Variants in ST6GALNAC3 observed in about 807,000 individuals in gnomAD.
ST6GALNAC3 encodes ST6 N-acetylgalactosaminide alpha-2,6-sialyltransferase 3, also known as alpha-N-acetylgalactosaminide alpha-2,6-sialyltransferase 3.
In ST6GALNAC3, 25 loss-of-function variants were observed where a neutral mutation model predicts 32.7. That is an observed-to-expected ratio of 0.76 (90% CI 0.56 to 1.07). The LOEUF is 1.07. Ranked by LOEUF, ST6GALNAC3 falls within the 50% of genes least tolerant of loss-of-function variation. The pLI, the probability that ST6GALNAC3 is intolerant of heterozygous loss-of-function variation, is 0.00. For synonymous variants in ST6GALNAC3, 129 were observed against 133.1 expected, an observed-to-expected ratio of 0.97 and a Z score of 0.21; for missense variants, 355 against 382.4, an observed-to-expected ratio of 0.93 and a Z score of 0.60.
intron 1 of ST6GALNAC3, chr1:76,309,973 C>G (rs114466257): frequency 2.0e-6 from 1 of 497,342 alleles, no homozygotes; most frequent in African/African-American, 1.9e-5. Flanking sequence ...TTTTCTCTCA[C>G]GTATGCATAC....
intron 1 of ST6GALNAC3, among the ~76,000 whole-genome samples, chr1:76,292,310 A>G (rs1043476964): frequency 4.2e-5 from 5 of 119,808 alleles, no homozygotes; most frequent in Admixed American, 3.5e-4. Context: ...GCTTCAGTAG[A>G]GTGGGAAATG....
chr1:76,446,996 A>C (rs1221124406), intron 3 of ST6GALNAC3, among the ~76,000 whole-genome samples: 1 of 152,220 alleles, frequency 6.6e-6, no homozygotes, highest in Non-Finnish European at 1.5e-5. Flanking sequence ...CGTGGAAGCA[A>C]CTTTGGAACT....
At chr1:76,255,295 A>G (rs1261976461) in intron 1 of ST6GALNAC3, among the ~76,000 whole-genome samples, 8 of 152,244 alleles carry the variant, frequency 5.3e-5, no homozygotes, top group South Asian at 2.1e-4. Flanking sequence ...AGTATTTTCA[A>G]TACATGGCTA....
chr1:76,544,964 CT>C (rs1664202375), intron 3 of ST6GALNAC3, among the ~76,000 whole-genome samples: 1 of 152,192 alleles, frequency 6.6e-6, no homozygotes, highest in Non-Finnish European at 1.5e-5. Context: ...GGACATTTAG[CT>C]GCATGAAATC....
At chr1:76,559,299 G>A (rs932988738) in intron 3 of ST6GALNAC3, among the ~76,000 whole-genome samples, 26 of 152,080 alleles carry the variant, frequency 1.7e-4, no homozygotes, top group African/African-American at 5.1e-4. Flanking sequence ...TCCAACAAAC[G>A]ACGTTAGGAC....
At chr1:76,367,220 T>C (rs1298338051) in intron 2 of ST6GALNAC3, among the ~76,000 whole-genome samples, 1 of 152,192 alleles carries the variant, frequency 6.6e-6, no homozygotes, top group Non-Finnish European at 1.5e-5. Flanking sequence ...ATAAATTCAG[T>C]CATTAGTTTT....
chr1:76,534,704 T>G (rs571242253), intron 3 of ST6GALNAC3, among the ~76,000 whole-genome samples: 14 of 152,318 alleles, frequency 9.2e-5, no homozygotes, highest in Admixed American at 3.3e-4. Flanking sequence ...TTCAGTGAAC[T>G]GAATAGTGTA....
At chr1:76,247,671 C>G (rs765005816) in intron 1 of ST6GALNAC3, among the ~76,000 whole-genome samples, 5 of 152,184 alleles carry the variant, frequency 3.3e-5, no homozygotes, top group African/African-American at 9.6e-5. Flanking sequence ...TGCCCCTCCC[C>G]CTAGCAAGCT....
chr1:76,630,170 G>A lies in ST6GALNAC3; in HGVS notation c.*1364G>A. ...CAGATTGCTCTACTTGCTAATATTT[G>A]TATAGAATAGAATTTATGTAAACTA... On this transcript the variant is annotated 3_prime_UTR_variant, in exon 5 of 5. Transcript: ENST00000328299. 1 of 985,086 alleles carries A rather than the reference G, an allele frequency of 1.0e-6. No individual in the cohort carries two copies. Among genetic ancestry groups the A allele is most frequent in the East Asian group, 1.1e-4 (1 of 8,802 alleles). The allele number at this position is 985,086 out of a possible 1,614,324, so 61.0% of individuals were successfully genotyped here. A position where few individuals can be genotyped will look rare whatever the true frequency, so the allele number is the denominator to read the frequency against.
At chr1:76,298,246 G>A (rs1265386247) in intron 1 of ST6GALNAC3, among the ~76,000 whole-genome samples, 1 of 152,018 alleles carries the variant, frequency 6.6e-6, no homozygotes, top group Non-Finnish European at 1.5e-5. Flanking sequence ...TTAGTATGTG[G>A]AATCCTTAAT....
chr1:76,295,895 C>T (rs1483998166), intron 1 of ST6GALNAC3, among the ~76,000 whole-genome samples: 1 of 152,082 alleles, frequency 6.6e-6, no homozygotes, highest in Non-Finnish European at 1.5e-5. Context: ...AGGGAGGGAT[C>T]TTTCACATGA....
chr1:76,365,701 A>C (rs1325663424), intron 2 of ST6GALNAC3, among the ~76,000 whole-genome samples: 9 of 152,214 alleles, frequency 5.9e-5, no homozygotes, highest in Admixed American at 5.9e-4. Flanking sequence ...GTATGTAAAA[A>C]TAAGTCCTAG....
chr1:76,368,019 C>T (rs552672264), intron 2 of ST6GALNAC3, among the ~76,000 whole-genome samples: 4 of 152,286 alleles, frequency 2.6e-5, no homozygotes, highest in African/African-American at 9.6e-5. Flanking sequence ...CACTCCAGCA[C>T]CTGCATAAGG....
chr1:76,143,392 CGTGT>C (rs4034974), intron 1 of ST6GALNAC3, among the ~76,000 whole-genome samples: 69 of 142,438 alleles, frequency 4.8e-4, no homozygotes, highest in South Asian at 1.7e-3. Flanking sequence ...CTTACCAAGT[CGTGT>C]GTGTGTGTGT....
At chr1:76,464,323 C>T (rs1397031013) in intron 3 of ST6GALNAC3, among the ~76,000 whole-genome samples, 1 of 152,128 alleles carries the variant, frequency 6.6e-6, no homozygotes, top group East Asian at 1.9e-4. Flanking sequence ...CTGGTTCTTA[C>T]AAATATGTGT....
chr1:76,569,239 G>GT (rs1665725656), intron 3 of ST6GALNAC3, among the ~76,000 whole-genome samples: 2 of 152,010 alleles, frequency 1.3e-5, no homozygotes, highest in South Asian at 4.1e-4. Flanking sequence ...TTCTAATTAC[G>GT]TTTTCTTTCC....
At chr1:76,573,515 T>G (rs2100508548) in intron 3 of ST6GALNAC3, among the ~76,000 whole-genome samples, 1 of 152,182 alleles carries the variant, frequency 6.6e-6, no homozygotes, top group Non-Finnish European at 1.5e-5. Context: ...TGCTCAGAAC[T>G]TAGTGTGACT....
chr1:76,226,033 C>G (rs760344952), intron 1 of ST6GALNAC3, among the ~76,000 whole-genome samples: 6 of 152,076 alleles, frequency 3.9e-5, no homozygotes, highest in Non-Finnish European at 8.8e-5. Flanking sequence ...TAACTGATGA[C>G]TTTATTGGTG....
intron 1 of ST6GALNAC3, among the ~76,000 whole-genome samples, chr1:76,253,398 G>A (rs1348670331): frequency 6.6e-6 from 1 of 152,048 alleles, no homozygotes; most frequent in African/African-American, 2.4e-5. Flanking sequence ...AGATGGAGGC[G>A]CTCATTTATA....
Sources: gnomAD v4.1 joint callset for allele counts (sites outside exome capture counted in the v4.1 genomes callset) on GRCh38, gnomAD v4.1.1 for gene constraint, MANE v1.5 for transcripts, NCBI Gene and HGNC (gene_info 2026-07-23, HGNC 2026-07-21) for gene names.